Variants in TBX15 observed in about 807,000 individuals in gnomAD.
TBX15 encodes T-box transcription factor TBX15.
In TBX15, 18 loss-of-function variants were observed where a neutral mutation model predicts 53.9. The ratio of observed to expected loss-of-function variants is 0.33; its 90% CI spans 0.23 to 0.49. TBX15 has a LOEUF of 0.49. TBX15 is among the 20% of genes least tolerant of loss of function. The probability of loss-of-function intolerance (pLI) is 0.98; values close to 1 mark genes in which losing one functional copy is unlikely to be tolerated. For synonymous variants in TBX15, 295 were observed against 278.0 expected (o/e 1.06, Z -0.61); for missense variants, 692 against 749.5 (o/e 0.92, Z 0.90).
At chr1:118,897,372 T>C (rs566317837) in intron 7 of TBX15, among the ~76,000 whole-genome samples, 24 of 152,242 alleles carry the variant, frequency 1.6e-4, no homozygotes, top group Non-Finnish European at 2.8e-4. Flanking sequence ...GGATACAGCA[T>C]TGAACACAAT....
chr1:118,926,673 A>C (rs1187928056), intron 2 of TBX15, 62 bp from the exon 3 acceptor site: 1 of 1,394,168 alleles, frequency 7.2e-7, no homozygotes, highest in Non-Finnish European at 1.0e-6. Flanking sequence ...CAGGGGTAAA[A>C]GCTTAAACAA....
intron 1 of TBX15, among the ~76,000 whole-genome samples, chr1:118,960,676 G>T (rs1482057376): frequency 6.6e-6 from 1 of 152,218 alleles, no homozygotes; most frequent in Non-Finnish European, 1.5e-5. Context: ...CTCCCAGGCA[G>T]GCTACTGAGT....
At chr1:118,924,132 A>C (rs1557886051) in intron 4 of TBX15, among the ~76,000 whole-genome samples, 1 of 152,248 alleles carries the variant, frequency 6.6e-6, no homozygotes, top group Non-Finnish European at 1.5e-5. Flanking sequence ...CATAGCACCC[A>C]GTATGGGTCC....
intron 5 of TBX15, among the ~76,000 whole-genome samples, chr1:118,917,485 G>C (rs928364361): frequency 3.3e-5 from 5 of 152,098 alleles, no homozygotes; most frequent in African/African-American, 1.2e-4. Context: ...CTAGGTGATG[G>C]GTTGATAGGT....
In TBX15 at chr1:118,905,519, C is replaced by T. The variant is rs1466337507; in HGVS notation, c.927-6394G>A. Among the ~76,000 whole-genome samples, 4 of 152,328 alleles carry T rather than the reference C, an allele frequency of 2.6e-5. No individual in the cohort carries two copies. In the East Asian group the frequency reaches 7.7e-4, roughly 29 times the overall value. On this transcript the variant is annotated intron_variant, in intron 6 of 7. Transcript: ENST00000369429. ...GAATATGATAAACAGCTATGGCCTG[C>T]ATGAAAAGCAGGAGTCCAGCTGGAT...
intron 5 of TBX15, among the ~76,000 whole-genome samples, chr1:118,917,538 T>C (rs2101573831): frequency 6.6e-6 from 1 of 152,266 alleles, no homozygotes; most frequent in South Asian, 2.1e-4. Context: ...GAAACAAACC[T>C]GCACATCCTG....
chr1:118,935,537 C>T (rs1223510880), intron 1 of TBX15, among the ~76,000 whole-genome samples: 1 of 152,042 alleles, frequency 6.6e-6, no homozygotes, highest in Non-Finnish European at 1.5e-5. Flanking sequence ...TACATGTAAC[C>T]AAGGCAGCTA....
chr1:118,928,436 A>G (rs1483184358), intron 2 of TBX15, among the ~76,000 whole-genome samples: 3 of 152,160 alleles, frequency 2.0e-5, no homozygotes, highest in African/African-American at 7.2e-5. Context: ...ACTCACATTG[A>G]CTAAATCTAA....
At chr1:118,888,102 A>G (rs761072003) in intron 7 of TBX15, among the ~76,000 whole-genome samples, 4 of 152,216 alleles carry the variant, frequency 2.6e-5, no homozygotes, top group Non-Finnish European at 4.4e-5. Flanking sequence ...TTTTTATTCC[A>G]CAATTTGAGA....
chr1:118,940,736 AT>A (rs61625323), intron 1 of TBX15, among the ~76,000 whole-genome samples: 5,491 of 150,234 alleles, frequency 0.037, 172 homozygotes, highest in African/African-American at 0.059. Context: ...ACAAAAAAAA[AT>A]AAATAAAGGA....
chr1:118,952,553 T>C (rs1200007168), intron 1 of TBX15, among the ~76,000 whole-genome samples: 1 of 152,142 alleles, frequency 6.6e-6, no homozygotes, highest in Non-Finnish European at 1.5e-5. Context: ...TTATGCCCTC[T>C]TTTTTTATAA....
At chr1:118,946,378 A>G (rs1294046170) in intron 1 of TBX15, among the ~76,000 whole-genome samples, 2 of 152,190 alleles carry the variant, frequency 1.3e-5, no homozygotes, top group African/African-American at 4.8e-5. Context: ...TAAATTTGCA[A>G]AAGCTTGTGT....
rs547984552 is a variant in TBX15, at chr1:118,944,825, C to T, written c.206-12993G>A. On this transcript the variant is annotated intron_variant, in intron 1 of 7. Transcript: ENST00000369429. ...CCTGAACTGTATTTAGAAGCTTGGA[C>T]ATGGCACCATGTTCCAGCACATCTC... 2.6e-5 allele frequency among the ~76,000 whole-genome samples: 4 copies of T among 152,318 alleles called. No individual in the cohort carries two copies. In the South Asian group the frequency reaches 8.3e-4, roughly 32 times the overall value.
chr1:118,936,044 AT>A (rs753538432), intron 1 of TBX15, among the ~76,000 whole-genome samples: 8 of 152,272 alleles, frequency 5.3e-5, no homozygotes, highest in Non-Finnish European at 1.2e-4. Flanking sequence ...CCCCCTAACT[AT>A]TTTAACCATC....
chr1:118,983,322 C>T (rs1657705969), intron 1 of TBX15, among the ~76,000 whole-genome samples: 1 of 152,176 alleles, frequency 6.6e-6, no homozygotes, highest in Non-Finnish European at 1.5e-5. Context: ...TGGGTGGGAA[C>T]AGGTTACAAT....
intron 1 of TBX15, among the ~76,000 whole-genome samples, chr1:118,976,337 C>T (rs1657434845): frequency 6.6e-6 from 1 of 152,068 alleles, no homozygotes; most frequent in Non-Finnish European, 1.5e-5. Context: ...CATGCAACAC[C>T]CACTAATCCT....
chr1:118,885,334 C>A lies in TBX15; in HGVS notation c.1207G>T (p.Ala403Ser). Residue 403 changes from alanine (A) to serine (S), a missense_variant, in exon 8 of 8, where the codon GCC (alanine) becomes TCC (serine). Around this residue, in one of 3 missense-constraint regions of TBX15, gnomAD observed 375 missense variants for 371.6 expected, o/e 1.01. Transcript: ENST00000369429. The part of the protein sequence containing the change: ...NLNLSDYPPC[A>S]RSNMAALQSY... ...TGCAAGGCAGCCATGTTGCTTCGGG[C>A]ACATGGTGGATAATCAGAGAGGTTT... 6.2e-7 allele frequency: 1 copy of A among 1,613,998 alleles called. No homozygotes were observed. Among genetic ancestry groups the A allele is most frequent in the South Asian group, 1.1e-5 (1 of 91,074 alleles).
At chr1:118,897,246 G>T (rs1327362806) in intron 7 of TBX15, among the ~76,000 whole-genome samples, 1 of 152,112 alleles carries the variant, frequency 6.6e-6, no homozygotes, top group African/African-American at 2.4e-5. Context: ...AGGTGGTTGT[G>T]CTCCAAGAAG....
At chr1:118,918,079 G>A (rs929926095) in intron 5 of TBX15, among the ~76,000 whole-genome samples, 3 of 152,040 alleles carry the variant, frequency 2.0e-5, no homozygotes, top group South Asian at 4.2e-4. Context: ...CTGACTCCTC[G>A]TCCTAAGCCT....
Sources: gnomAD v4.1 joint callset for allele counts (sites outside exome capture counted in the v4.1 genomes callset) on GRCh38, gnomAD v4.1.1 for gene constraint, gnomAD v4.1.1 regional missense constraint, MANE v1.5 for transcripts, NCBI Gene and HGNC (gene_info 2026-07-23, HGNC 2026-07-21) for gene names.